The following GGA1 variants were observed in gnomAD, a reference collection of about 807,000 sequenced individuals.
GGA1 encodes the protein golgi associated, gamma adaptin ear containing, ARF binding protein 1.
A neutral mutation model predicts 76.9 loss-of-function variants in GGA1; 18 were observed. That is an observed-to-expected ratio of 0.23 (90% confidence interval 0.16 to 0.35). The LOEUF (loss-of-function observed/expected upper bound fraction) is 0.35, where lower values mean the gene tolerates loss of function less well. Ranked by LOEUF, GGA1 falls within the 10% of genes least tolerant of loss-of-function variation. The pLI is 1.00. For missense variants in GGA1, 755 were observed against 859.0 expected, an observed-to-expected ratio of 0.88 and a Z score of 1.51; for synonymous variants, 342 against 354.7, an observed-to-expected ratio of 0.96 and a Z score of 0.40.
Position 37,625,792 on chromosome 22 carries a change from C to T in GGA1, c.941-5C>T, listed in dbSNP as rs776495788. 9 of 1,554,998 alleles carry T rather than the reference C, an allele frequency of 5.8e-6. No individual in the cohort carries two copies. In the African/African-American group the frequency reaches 9.5e-5, roughly 16 times the overall value. Reference sequence around the variant, plus strand: ...GACTTGCCAGCCTCTTCTTTCCCACCCCAGGGAGCACCTCGGCCCTGCTGG... The same window carrying T: ...GACTTGCCAGCCTCTTCTTTCCCACTCCAGGGAGCACCTCGGCCCTGCTGG... On this transcript the variant is annotated splice_polypyrimidine_tract_variant and splice_region_variant and intron_variant, in intron 10 of 16. Transcript: ENST00000343632. The surrounding 1 kb of genome is among the most constrained non-coding windows in gnomAD (Gnocchi z 4.1).
At chr22:37,613,898 T>G in intron 1 of GGA1, 1 of 382,568 alleles carries the variant, frequency 2.6e-6, no homozygotes, top group Admixed American at 3.8e-5. Context: ...TCAGAGGAGG[T>G]GGGGCTGGCG....
chr22:37,630,881 AATGC>A lies in GGA1; in HGVS notation c.1332-20_1332-17del, dbSNP rs749364525. 1 of 1,577,856 alleles carries A rather than the reference AATGC, an allele frequency of 6.3e-7. No individual in the cohort carries two copies. Among genetic ancestry groups the A allele is most frequent in the Non-Finnish European group, 8.7e-7 (1 of 1,153,126 alleles). On this transcript the variant is annotated intron_variant, in intron 13 of 16. Transcript: ENST00000343632. Reference sequence around the variant, plus strand: ...CCACGCTGGCCAAGAATCACTTCTTAATGCACTGTCCCCCGATTAAGGGAGAAGC... The same window carrying A: ...CCACGCTGGCCAAGAATCACTTCTTAACTGTCCCCCGATTAAGGGAGAAGC...
rs144274992 is a variant in GGA1 at position 37,614,284 on chromosome 22, C to T, written c.128+10C>T. On this transcript the variant is annotated intron_variant, in intron 2 of 16. Transcript: ENST00000343632. ...ACGAGGACTTTGAGGGGTAGGTGGC[C>T]GTCCCCACTTGTTTGCACTGCCCTG... 4.1e-4 allele frequency: 650 copies of T among 1,599,222 alleles called. 6 individuals carry two copies. The East Asian group carries it at 0.011, about 27-fold the overall frequency.
chr22:37,620,119 C>T, intron 4 of GGA1, 119 bp from the exon 5 acceptor site: 1 of 1,115,992 alleles, frequency 9.0e-7, no homozygotes, highest in Admixed American at 1.9e-5. Context: ...CTATGAGGAC[C>T]CTGTAGGCTA....
At chr22:37,630,809 C>T (rs1931666307) in intron 13 of GGA1, 94 bp from the exon 14 acceptor site, 1 of 841,226 alleles carries the variant, frequency 1.2e-6, no homozygotes, top group Admixed American at 2.5e-5. Flanking sequence ...CTCAAGCGAT[C>T]TGCCCGCCTC....
At chr22:37,621,000 G>T (rs1019078831) in intron 6 of GGA1, 87 bp downstream of exon 6, 8 of 818,896 alleles carry the variant, frequency 9.8e-6, no homozygotes, top group Non-Finnish European at 1.7e-5. Context: ...GGCATCAGCC[G>T]TTGGAACAGA....
At position 37,632,459 on chromosome 22, in the gene GGA1, C is replaced by G. The variant is rs1346122946; in HGVS notation, c.1753C>G (p.Pro585Ala). The change falls in exon 16 of 17, where the codon CCC becomes GCC. Residue 585 changes from proline (P) to alanine (A), a missense_variant. By Grantham distance (27) the Pro-to-Ala change is conservative (BLOSUM62 -1). Transcript: ENST00000343632. This position sits in a 1 kb window ranked among gnomAD's most constrained non-coding sequence, Gnocchi z 5.1. ...GGGCACGGAGCTGCCAGCTTTTAAC[C>G]CCATCGTCCACCCCTCAGCAATCAC... is the stretch of plus-strand genomic sequence containing the variant. ...PSGTELPAFN[P>A]IVHPSAITQV... is the part of the protein sequence containing the mutation. The G allele has an allele frequency of 6.2e-7, 1 of 1,613,938 alleles. No individual in the cohort carries two copies. The highest frequency in any genetic ancestry group is 8.5e-7 in the Non-Finnish European group (1 of 1,179,854).
intron 7 of GGA1, among the ~76,000 whole-genome samples, chr22:37,622,607 A>G (rs113249393): frequency 0.036 from 5,487 of 151,540 alleles, 321 homozygotes; most frequent in African/African-American, 0.13. Flanking sequence ...TAGAGACAGC[A>G]TCTCCCTTTG....
At chr22:37,630,814 C>T (rs1306432606) in intron 13 of GGA1, 89 bp from the exon 14 acceptor site, 16 of 891,842 alleles carry the variant, frequency 1.8e-5, no homozygotes, top group East Asian at 2.6e-5. Flanking sequence ...GCGATCTGCC[C>T]GCCTCAGCCT....
In GGA1 at chr22:37,632,017, T is replaced by C. The variant is rs1371012600; in HGVS notation, c.1550T>C (p.Val517Ala). 6.2e-7 allele frequency: 1 copy of C among 1,612,466 alleles called. No individual in the cohort carries two copies. Among genetic ancestry groups the C allele is most frequent in the Non-Finnish European group, 8.5e-7 (1 of 1,179,700 alleles). ...IKPSNILPVTVYDQHGFRILF... is the reference protein window; with the variant it reads ...IKPSNILPVTAYDQHGFRILF... Reference sequence around the variant, plus strand: ...ACAGGCAACATCCTGCCCGTGACTGTGTATGACCAGCACGGCTTCCGCATC... The same window carrying C: ...ACAGGCAACATCCTGCCCGTGACTGCGTATGACCAGCACGGCTTCCGCATC... The change falls in exon 15 of 17, where the codon GTG (valine) becomes GCG (alanine). Residue 517 changes from valine (V) to alanine (A), a missense_variant. Transcript: ENST00000343632. The surrounding 1 kb of genome is among the most constrained non-coding windows in gnomAD (Gnocchi z 5.1).
Position 37,624,895 on chromosome 22 carries a change from G to T in GGA1, c.833-74G>T. On this transcript the variant is annotated intron_variant, in intron 9 of 16. Coordinates refer to ENST00000343632, the MANE Select transcript of GGA1 (RefSeq NM_013365.5). The surrounding 1 kb of genome is among the most constrained non-coding windows in gnomAD (Gnocchi z 4.3). ...CTCACACACAGGCTGTGATGGATGT[G>T]GGGTCCTCGTCCCCTGCCGCCCAGA... The T allele has an allele frequency of 6.6e-7, 1 of 1,520,274 alleles. No individual in the cohort carries two copies. The allele number at this position is 1,520,274 out of a possible 1,614,324, so 94.2% of individuals were successfully genotyped here.
At chr22:37,609,236 C>G (rs1439325232) in intron 1 of GGA1, 8 of 1,199,436 alleles carry the variant, frequency 6.7e-6, no homozygotes, top group Non-Finnish European at 8.4e-6. Flanking sequence ...AGTAGCGGCC[C>G]GGGGAAGGAG....
At chr22:37,614,406 T>C in intron 2 of GGA1, 132 bp downstream of exon 2, 1 of 664,982 alleles carries the variant, frequency 1.5e-6, no homozygotes, top group South Asian at 1.6e-5. Flanking sequence ...GATGGGGCAC[T>C]TGGCACTGAA....
Position 37,625,728 on chromosome 22 carries a change from G to A in GGA1, c.941-69G>A, listed in dbSNP as rs980582435. ...ATCGGGGGTTAGGTGTTGCTCCCCC[G>A]CAACCCCTGTGGACTCTGAGAGACA... On this transcript the variant is annotated intron_variant, in intron 10 of 16. Transcript: ENST00000343632. This position sits in a 1 kb window ranked among gnomAD's most constrained non-coding sequence, Gnocchi z 4.1. 1.4e-5 allele frequency: 18 copies of A among 1,284,236 alleles called. No individual in the cohort carries two copies. The Admixed American group carries it at 2.2e-4, about 16-fold the overall frequency. 79.6% of individuals were successfully genotyped at this position (1,284,236 alleles called of 1,614,324 possible).
At chr22:37,614,659 G>A (rs962744838) in intron 2 of GGA1, among the ~76,000 whole-genome samples, 3 of 152,218 alleles carry the variant, frequency 2.0e-5, no homozygotes, top group African/African-American at 2.4e-5. Flanking sequence ...GCTCAAGGAC[G>A]AACCAGAACT....
rs780844715 is a variant in GGA1 at position 37,623,496 on chromosome 22, C to A, written c.750+29C>A. On this transcript the variant is annotated intron_variant, in intron 8 of 16. Coordinates refer to ENST00000343632, the MANE Select transcript of GGA1 (RefSeq NM_013365.5). This position sits in a 1 kb window ranked among gnomAD's most constrained non-coding sequence, Gnocchi z 4.6. ...CACCTGCCTCCCTGCCTACCCCACT[C>A]CCTGCCCACTCCACAGCCCACGCGG... 9 of 1,613,288 alleles carry A rather than the reference C, an allele frequency of 5.6e-6. No individual in the cohort carries two copies. The South Asian group carries it at 9.9e-5, about 18-fold the overall frequency.
rs1019749240 is a variant in GGA1 at position 37,610,964 on chromosome 22, C to T, written c.43+2061C>T. On this transcript the variant is annotated intron_variant, in intron 1 of 16. Coordinates refer to ENST00000343632, the MANE Select transcript of GGA1 (RefSeq NM_013365.5). ...GATGCCAGCGCTTCCTCTTCACTGG[C>T]GTCTGACCCAGGAGCAGTCCAGAAT... 2.6e-5 allele frequency among the ~76,000 whole-genome samples: 4 copies of T among 152,200 alleles called. No homozygotes were observed. The East Asian group carries it at 5.8e-4, about 22-fold the overall frequency.
At chr22:37,627,849 C>T (rs1041865206) in intron 11 of GGA1, among the ~76,000 whole-genome samples, 2 of 152,236 alleles carry the variant, frequency 1.3e-5, no homozygotes, top group Admixed American at 1.3e-4. Context: ...CTGGTCCTCA[C>T]TCTTCACGGC....
In GGA1 at chr22:37,614,222, G is replaced by A. The variant is rs747186155; in HGVS notation, c.76G>A (p.Asp26Asn). Reference protein sequence around the residue: ...RATNPLNKELDWASINGFCEQ... With the variant: ...RATNPLNKELNWASINGFCEQ... ...CACGAACCCCCTGAACAAGGAGCTC[G>A]ACTGGGCCAGCATCAACGGCTTCTG... The change falls in exon 2 of 17, where the codon GAC becomes AAC. Residue 26 changes from aspartate (D) to asparagine (N), a missense_variant. Coordinates refer to ENST00000343632, the MANE Select transcript of GGA1 (RefSeq NM_013365.5). 42 of 1,613,702 alleles carry A rather than the reference G, an allele frequency of 2.6e-5. No individual in the cohort carries two copies. The highest frequency in any genetic ancestry group is 6.7e-5 in the African/African-American group (5 of 74,884).
Sources: allele counts gnomAD v4.1 joint callset (sites outside exome capture counted in the v4.1 genomes callset), GRCh38; gene constraint gnomAD v4.1.1; non-coding constraint Gnocchi (gnomAD v3.1); transcripts MANE v1.5; gene names NCBI Gene and HGNC (gene_info 2026-07-23, HGNC 2026-07-21).